CHL1: variants seen among roughly 807,000 people sequenced by gnomAD.
The protein encoded by CHL1 is neural cell adhesion molecule L1-like protein.
Under a neutral mutation model 141.9 loss-of-function variants are expected in CHL1, and 96 were observed. That is an observed-to-expected ratio of 0.68 (90% CI 0.57 to 0.80). CHL1 has a LOEUF of 0.80. Ranked by LOEUF, CHL1 falls within the 30% of genes least tolerant of loss-of-function variation. The probability of loss-of-function intolerance (pLI) is 0.00; values close to 1 mark genes in which losing one functional copy is unlikely to be tolerated. For synonymous variants in CHL1, 613 were observed against 502.2 expected (o/e 1.22, Z -2.95); for missense variants, 1,820 against 1,457.2 (o/e 1.25, Z -4.05).
At chr3:316,426 T>G (rs2125016765) in intron 2 of CHL1, among the ~76,000 whole-genome samples, 1 of 150,648 alleles carries the variant, frequency 6.6e-6, no homozygotes, top group Admixed American at 6.6e-5. Context: ...CCACAATAAC[T>G]TTTGCACCAA....
intron 2 of CHL1, among the ~76,000 whole-genome samples, chr3:287,372 T>A (rs1697256807): frequency 6.6e-6 from 1 of 152,178 alleles, no homozygotes; most frequent in Non-Finnish European, 1.5e-5. Flanking sequence ...GAACTTTTCC[T>A]GCAAACCGTA....
chr3:349,098 T>C (rs1703013747), intron 9 of CHL1, among the ~76,000 whole-genome samples: 1 of 152,202 alleles, frequency 6.6e-6, no homozygotes, highest in Non-Finnish European at 1.5e-5. Flanking sequence ...TACATGTAGT[T>C]AGCCCTTGTA....
intron 16 of CHL1, 135 bp from the exon 17 acceptor site, chr3:382,044 G>C (rs1008734037): frequency 1.9e-5 from 10 of 516,466 alleles, no homozygotes; most frequent in Non-Finnish European, 3.4e-5. Flanking sequence ...TATGTGGGGT[G>C]GGGGGCGGGG....
chr3:380,841 A>G (rs1020400679), intron 16 of CHL1, among the ~76,000 whole-genome samples: 8 of 152,244 alleles, frequency 5.3e-5, no homozygotes, highest in African/African-American at 7.2e-5. Flanking sequence ...TTGAAGTAAT[A>G]ATATCTTTTT....
intron 1 of CHL1, among the ~76,000 whole-genome samples, chr3:214,045 G>T (rs1700107185): frequency 6.6e-6 from 1 of 152,158 alleles, no homozygotes; most frequent in Non-Finnish European, 1.5e-5. Flanking sequence ...CATTTGGGGA[G>T]TCAACCTAAT....
At chr3:237,072 G>T (rs115480918) in intron 1 of CHL1, among the ~76,000 whole-genome samples, 3 of 152,082 alleles carry the variant, frequency 2.0e-5, no homozygotes, top group African/African-American at 7.2e-5. Context: ...TCTCTATTAC[G>T]CTGTTGGCTT....
Position 382,843 on chromosome 3 carries a change from G to A in CHL1, c.2176+172G>A, listed in dbSNP as rs1168438955. 20 of 604,596 alleles carry A rather than the reference G, an allele frequency of 3.3e-5. No homozygotes were observed. In the Middle Eastern group the frequency reaches 1.3e-3, roughly 40 times the overall value. The allele number at this position is 604,596 out of a possible 1,614,324, so 37.5% of individuals were successfully genotyped here. A position where few individuals can be genotyped will look rare whatever the true frequency, so the allele number is the denominator to read the frequency against. On this transcript the variant is annotated intron_variant, in intron 18 of 27. Coordinates refer to ENST00000256509, the MANE Select transcript of CHL1 (RefSeq NM_006614.4). ...TTCAAAGCACACAAGTTTCAGAAGT[G>A]TTACATACGAGTTCGATAAAAGCAG... is the stretch of plus-strand genomic sequence containing the variant.
At chr3:294,347 A>T (rs546414953) in intron 2 of CHL1, among the ~76,000 whole-genome samples, 1 of 152,296 alleles carries the variant, frequency 6.6e-6, no homozygotes, top group South Asian at 2.1e-4. Context: ...ACATACCTAC[A>T]TACGTACTAG....
intron 2 of CHL1, among the ~76,000 whole-genome samples, chr3:316,512 A>T (rs1191138140): frequency 6.6e-6 from 1 of 152,024 alleles, no homozygotes; most frequent in Non-Finnish European, 1.5e-5. Context: ...AGGAATTAAA[A>T]TTTAACCCAG....
At chr3:237,329 T>C (rs919618416) in intron 1 of CHL1, among the ~76,000 whole-genome samples, 2 of 152,212 alleles carry the variant, frequency 1.3e-5, no homozygotes, top group Non-Finnish European at 2.9e-5. Context: ...CCTTCTGCCA[T>C]GATTGTAAGT....
intron 2 of CHL1, among the ~76,000 whole-genome samples, chr3:285,526 C>A (rs962805000): frequency 4.6e-5 from 7 of 152,294 alleles, no homozygotes; most frequent in African/African-American, 1.7e-4. Context: ...TAGCCTGGTA[C>A]TTAAAATTCA....
chr3:280,354 T>A (rs1469063641), intron 2 of CHL1, among the ~76,000 whole-genome samples: 2 of 152,042 alleles, frequency 1.3e-5, no homozygotes, highest in African/African-American at 4.8e-5. Context: ...GTCAAGAAAA[T>A]TGAACATCAG....
chr3:357,170 AT>A (rs1459350848), intron 11 of CHL1, among the ~76,000 whole-genome samples: 6 of 152,204 alleles, frequency 3.9e-5, no homozygotes, highest in Non-Finnish European at 8.8e-5. Flanking sequence ...GGTGGCTGGA[AT>A]CCAAGCTCGG....
At chr3:330,502 G>C (rs1018348456) in intron 5 of CHL1, among the ~76,000 whole-genome samples, 2 of 151,884 alleles carry the variant, frequency 1.3e-5, no homozygotes, top group African/African-American at 4.8e-5. Flanking sequence ...TATAAAAGCA[G>C]AAAATAAATT....
chr3:362,046 G>C (rs1299917111), intron 13 of CHL1, among the ~76,000 whole-genome samples: 1 of 152,208 alleles, frequency 6.6e-6, no homozygotes, highest in South Asian at 2.1e-4. Flanking sequence ...TGTTCATAAA[G>C]AAAAGCAGAG....
At chr3:238,170 G>C (rs35762438) in intron 1 of CHL1, among the ~76,000 whole-genome samples, 69,551 of 151,952 alleles carry the variant, frequency 0.46, 17,405 homozygotes, top group Non-Finnish European at 0.55. Flanking sequence ...ATTCAAATTT[G>C]TATTGAGTAT....
chr3:292,405 CAGGTTTTATAGTCATTCA>C (rs1205196738), intron 2 of CHL1, among the ~76,000 whole-genome samples: 1 of 152,116 alleles, frequency 6.6e-6, no homozygotes, highest in African/African-American at 2.4e-5. Flanking sequence ...AAGCAAGAAT[CAGGTTTTATAGTCATTCA>C]GTAAGTCCTC....
At chr3:347,632 T>C (rs1702876186) in intron 9 of CHL1, among the ~76,000 whole-genome samples, 1 of 152,224 alleles carries the variant, frequency 6.6e-6, no homozygotes, top group Non-Finnish European at 1.5e-5. Flanking sequence ...GGATGGACTC[T>C]TGAAAAAATC....
chr3:249,220 A>G (rs906093563), intron 2 of CHL1, among the ~76,000 whole-genome samples: 1 of 152,188 alleles, frequency 6.6e-6, no homozygotes, highest in Non-Finnish European at 1.5e-5. Context: ...GAGCAGACAC[A>G]TCTCAGAGCC....
Sources: gnomAD v4.1 joint callset for allele counts (sites outside exome capture counted in the v4.1 genomes callset) on GRCh38, gnomAD v4.1.1 for gene constraint, MANE v1.5 for transcripts, NCBI Gene and HGNC (gene_info 2026-07-23, HGNC 2026-07-21) for gene names.